The following SAV1 variants were observed in gnomAD, a reference collection of about 807,000 sequenced individuals.
SAV1 encodes the protein protein salvador homolog 1.
Under a neutral mutation model 47.3 loss-of-function variants are expected in SAV1, and 23 were observed. The observed-to-expected ratio is 0.49, with a 90% confidence interval of 0.35 to 0.69. SAV1 has a LOEUF of 0.69. Among genes scored for constraint, SAV1 ranks in the 30% least tolerant of loss-of-function variants. The pLI, the probability that SAV1 is intolerant of heterozygous loss-of-function variation, is 0.01. For missense variants in SAV1, 448 were observed against 457.4 expected (o/e 0.98, Z 0.19); for synonymous variants, 155 against 159.2 (o/e 0.97, Z 0.20).
chr14:50,661,279 T>C (rs967066168), intron 2 of SAV1, among the ~76,000 whole-genome samples: 2 of 152,248 alleles, frequency 1.3e-5, no homozygotes, highest in South Asian at 2.1e-4. Flanking sequence ...CGTCTATTCA[T>C]GTCCTTTGCC....
In SAV1 at chr14:50,640,962, A is replaced by C. The variant is rs1421368939; in HGVS notation, c.807-69T>G. On this transcript the variant is annotated intron_variant, in intron 3 of 4. Coordinates refer to ENST00000324679, the MANE Select transcript of SAV1 (RefSeq NM_021818.4). Reference sequence around the variant, plus strand: ...ATCTAAACAAGAAATTATAAAGAACAAATAATACTTAAGCATTTTTCAGTG... The same window carrying C: ...ATCTAAACAAGAAATTATAAAGAACCAATAATACTTAAGCATTTTTCAGTG... 2.1e-6 allele frequency: 3 copies of C among 1,414,800 alleles called. No homozygotes were observed. The East Asian group carries it at 7.2e-5, about 34-fold the overall frequency. The allele number at this position is 1,414,800 out of a possible 1,614,324, so 87.6% of individuals were successfully genotyped here. A position where few individuals can be genotyped will look rare whatever the true frequency, so the allele number is the denominator to read the frequency against.
chr14:50,648,873 G>T (rs1395248716), intron 2 of SAV1, among the ~76,000 whole-genome samples: 1 of 152,086 alleles, frequency 6.6e-6, no homozygotes, highest in Non-Finnish European at 1.5e-5. Flanking sequence ...ACCACAGGTT[G>T]GTGATACTGG....
chr14:50,652,484 C>G (rs1233304608), intron 2 of SAV1, among the ~76,000 whole-genome samples: 1 of 152,052 alleles, frequency 6.6e-6, no homozygotes, highest in East Asian at 1.9e-4. Flanking sequence ...AGGACTGAGG[C>G]AGAAAATGCA....
intron 2 of SAV1, among the ~76,000 whole-genome samples, chr14:50,648,052 T>C (rs1183561364): frequency 6.6e-6 from 1 of 152,252 alleles, no homozygotes; most frequent in Non-Finnish European, 1.5e-5. Flanking sequence ...ACATGTCCTT[T>C]AACAGAATGG....
At chr14:50,651,329 G>A (rs2039767949) in intron 2 of SAV1, among the ~76,000 whole-genome samples, 2 of 152,126 alleles carry the variant, frequency 1.3e-5, no homozygotes, top group African/African-American at 4.8e-5. Flanking sequence ...TTCATAAAGT[G>A]TTGCAATGAA....
intron 2 of SAV1, among the ~76,000 whole-genome samples, chr14:50,646,270 ATCTC>A (rs1160564238): frequency 6.6e-6 from 1 of 152,196 alleles, no homozygotes; most frequent in Non-Finnish European, 1.5e-5. Context: ...GGTGAATGTA[ATCTC>A]TCTCCCTCTC....
At position 50,635,438 on chromosome 14, in the gene SAV1, T is replaced by A. The variant is rs567754889; in HGVS notation, c.951-54A>T. On this transcript the variant is annotated intron_variant, in intron 4 of 4. Transcript: ENST00000324679. Reference sequence around the variant, plus strand: ...TCACAACACATACATAAACATGTATTTCTAGCAAGAAACTAGTCTGTTTTT... The same window carrying A: ...TCACAACACATACATAAACATGTATATCTAGCAAGAAACTAGTCTGTTTTT... The A allele has an allele frequency of 3.7e-6, 5 of 1,346,374 alleles. No homozygotes were observed. In the South Asian group the frequency reaches 6.2e-5, roughly 17 times the overall value. The allele number at this position is 1,346,374 out of a possible 1,614,324, so 83.4% of individuals were successfully genotyped here.
At chr14:50,655,680 C>T (rs1332019253) in intron 2 of SAV1, among the ~76,000 whole-genome samples, 2 of 151,588 alleles carry the variant, frequency 1.3e-5, no homozygotes, top group African/African-American at 4.8e-5. Context: ...TCTGTCTTGG[C>T]CTCCCAAAGT....
intron 2 of SAV1, among the ~76,000 whole-genome samples, chr14:50,655,618 G>A (rs1331951551): frequency 6.6e-6 from 1 of 151,852 alleles, no homozygotes; most frequent in African/African-American, 2.4e-5. Context: ...TAGAGATGGG[G>A]TTTCACCGTG....
At chr14:50,640,049 G>A (rs2039669122) in intron 4 of SAV1, among the ~76,000 whole-genome samples, 1 of 152,150 alleles carries the variant, frequency 6.6e-6, no homozygotes, top group African/African-American at 2.4e-5. Flanking sequence ...AGTGGCACAA[G>A]CATAGCTCAC....
rs536633712 is a variant in SAV1 at position 50,667,184 on chromosome 14, T to C, written c.94+690A>G. Among the ~76,000 whole-genome samples the C allele has an allele frequency of 9.9e-5, 15 of 151,470 alleles. No individual in the cohort carries two copies. The South Asian group carries it at 1.3e-3, about 13-fold the overall frequency. On this transcript the variant is annotated intron_variant, in intron 1 of 4. Transcript: ENST00000324679. ...AGCAGCGGGGGACCGGAGGTGGGGA[T>C]TGGGAGTGGGATCTACCCTATTAAA...
intron 2 of SAV1, among the ~76,000 whole-genome samples, chr14:50,658,356 G>A (rs895700284): frequency 6.6e-6 from 1 of 152,108 alleles, no homozygotes; most frequent in African/African-American, 2.4e-5. Flanking sequence ...TCTGCCTTTA[G>A]TATTCCAACT....
In SAV1 at chr14:50,638,935, T is replaced by C. The variant is rs1484758026; in HGVS notation, c.950+1815A>G. On this transcript the variant is annotated intron_variant, in intron 4 of 4. Coordinates refer to ENST00000324679, the MANE Select transcript of SAV1 (RefSeq NM_021818.4). ...GGCGCGTGCCACCATACCCAGCTAA[T>C]TTTTTGTATTTTTAGTAGATACAGA... Among the ~76,000 whole-genome samples, 3 of 152,188 alleles carry C rather than the reference T, an allele frequency of 2.0e-5. No homozygotes were observed. The East Asian group carries it at 5.8e-4, about 29-fold the overall frequency.
chr14:50,649,519 CT>C (rs2039749951), intron 2 of SAV1, among the ~76,000 whole-genome samples: 1 of 152,200 alleles, frequency 6.6e-6, no homozygotes, highest in African/African-American at 2.4e-5. Flanking sequence ...GATTTTTGGA[CT>C]TATTTTGCCT....
chr14:50,639,200 T>C (rs2039661290), intron 4 of SAV1, among the ~76,000 whole-genome samples: 1 of 152,230 alleles, frequency 6.6e-6, no homozygotes, highest in South Asian at 2.1e-4. Flanking sequence ...TGTTTCTAAA[T>C]CAAGTTTTAG....
chr14:50,660,667 A>C (rs184846457), intron 2 of SAV1, among the ~76,000 whole-genome samples: 1 of 152,196 alleles, frequency 6.6e-6, no homozygotes, highest in African/African-American at 2.4e-5. Context: ...TGTTAACTGT[A>C]GTTACCCTAC....
rs1244982682 is a variant in SAV1, at chr14:50,667,881, C to CA, written c.86dup (p.Leu30AlafsTer20). ...GCCCCGCCTGACACTCACTCCGAAGCAGAGGCGACGTCTCCTTCTTCACGT... is the reference window on the plus strand; with the variant it reads ...GCCCCGCCTGACACTCACTCCGAAGCAAGAGGCGACGTCTCCTTCTTCACGT... On this transcript the variant is annotated frameshift_variant, in exon 1 of 5. Transcript: ENST00000324679. LOFTEE classifies it high-confidence loss of function. The CA allele has an allele frequency of 6.2e-7, 1 of 1,613,046 alleles. No homozygotes were observed. The highest frequency in any genetic ancestry group is 1.3e-5 in the African/African-American group (1 of 74,846).
intron 1 of SAV1, 23 bp downstream of exon 1, chr14:50,667,851 G>A: frequency 1.2e-6 from 2 of 1,607,902 alleles, no homozygotes; most frequent in African/African-American, 2.7e-5. Flanking sequence ...GCCAGGTGTG[G>A]GCACGCCCCG....
intron 2 of SAV1, among the ~76,000 whole-genome samples, chr14:50,646,591 C>G (rs1158746339): frequency 6.7e-6 from 1 of 148,644 alleles, no homozygotes; most frequent in Non-Finnish European, 1.5e-5. Context: ...GAGGCTGAGG[C>G]AGGAGAATTG....
Sources: allele counts gnomAD v4.1 joint callset (sites outside exome capture counted in the v4.1 genomes callset), GRCh38; gene constraint gnomAD v4.1.1; transcripts MANE v1.5; gene names NCBI Gene and HGNC (gene_info 2026-07-23, HGNC 2026-07-21).